The following TRERF1 variants were observed in gnomAD, a reference collection of about 807,000 sequenced individuals.
The protein encoded by TRERF1 is transcriptional-regulating factor 1.
TRERF1 carries 27 observed loss-of-function variants against 122.9 expected under a neutral mutation model. That is an observed-to-expected ratio of 0.22 (90% CI 0.16 to 0.30). TRERF1 has a LOEUF of 0.30. Among genes scored for constraint, TRERF1 ranks in the 10% least tolerant of loss-of-function variants. TRERF1 has a pLI of 1.00. For missense variants in TRERF1, 1,248 were observed against 1,560.3 expected (o/e 0.80, Z 3.37); for synonymous variants, 636 against 641.7 (o/e 0.99, Z 0.13).
chr6:42,395,196 C>T (rs977933401), intron 2 of TRERF1, among the ~76,000 whole-genome samples: 10 of 152,208 alleles, frequency 6.6e-5, no homozygotes, highest in African/African-American at 2.4e-4. Context: ...TTCCCCTCTA[C>T]AAAGTCAGGG....
chr6:42,284,595 A>G (rs1258021285), intron 4 of TRERF1, among the ~76,000 whole-genome samples: 3 of 152,204 alleles, frequency 2.0e-5, no homozygotes, highest in Non-Finnish European at 2.9e-5. Context: ...ACTAATTTAC[A>G]TAATTACAAT....
chr6:42,362,664 A>G (rs2296201), intron 3 of TRERF1, among the ~76,000 whole-genome samples: 5,704 of 152,252 alleles, frequency 0.037, 275 homozygotes, highest in East Asian at 0.24. Context: ...GTGGCCTTCT[A>G]CACCTCCACT....
At chr6:42,436,974 T>C (rs1337690124) in intron 2 of TRERF1, among the ~76,000 whole-genome samples, 6 of 151,828 alleles carry the variant, frequency 4.0e-5, no homozygotes. Flanking sequence ...GGCAGAACAT[T>C]CTGACCAGGA....
At chr6:42,274,486 C>T (rs1780803766) in intron 4 of TRERF1, among the ~76,000 whole-genome samples, 2 of 152,042 alleles carry the variant, frequency 1.3e-5, no homozygotes, top group Admixed American at 1.3e-4. Context: ...ACCAGTCTGG[C>T]CAACATGGCA....
chr6:42,282,495 C>A (rs1487985700), intron 4 of TRERF1, among the ~76,000 whole-genome samples: 2 of 152,160 alleles, frequency 1.3e-5, no homozygotes, highest in Non-Finnish European at 2.9e-5. Context: ...CTGCAGTGAG[C>A]CATGATGGCG....
At chr6:42,373,378 C>G (rs1019095943) in intron 2 of TRERF1, among the ~76,000 whole-genome samples, 3 of 151,926 alleles carry the variant, frequency 2.0e-5, no homozygotes, top group Non-Finnish European at 4.4e-5. Flanking sequence ...ACTAAAAATA[C>G]AAAATTAGGC....
intron 4 of TRERF1, among the ~76,000 whole-genome samples, chr6:42,277,905 G>A (rs1220360871): frequency 1.2e-5 from 1 of 85,080 alleles, no homozygotes; most frequent in African/African-American, 5.1e-5. Flanking sequence ...GAAGGAAGAA[G>A]GAAGAAGAAG....
At chr6:42,438,601 C>T (rs763594573) in intron 2 of TRERF1, among the ~76,000 whole-genome samples, 2 of 146,902 alleles carry the variant, frequency 1.4e-5, no homozygotes, top group Non-Finnish European at 3.0e-5. Flanking sequence ...CAGAGTGAGA[C>T]TCTGTCTCAA....
At chr6:42,281,845 T>C (rs1347501808) in intron 4 of TRERF1, among the ~76,000 whole-genome samples, 1 of 152,188 alleles carries the variant, frequency 6.6e-6, no homozygotes. Context: ...CTAGGCACAG[T>C]GCCAAGTCCC....
intron 2 of TRERF1, among the ~76,000 whole-genome samples, chr6:42,386,586 G>C (rs1359577695): frequency 1.3e-5 from 2 of 152,204 alleles, no homozygotes; most frequent in Non-Finnish European, 2.9e-5. Context: ...CACTGGATTA[G>C]AGAATTAATG....
chr6:42,434,707 CACA>C (rs1562205326), intron 2 of TRERF1, among the ~76,000 whole-genome samples: 4 of 151,570 alleles, frequency 2.6e-5, no homozygotes, highest in Admixed American at 1.3e-4. Flanking sequence ...CACACACACA[CACA>C]CCCCTAATAG....
At chr6:42,426,591 T>C (rs559075982) in intron 2 of TRERF1, among the ~76,000 whole-genome samples, 84 of 152,360 alleles carry the variant, frequency 5.5e-4, no homozygotes, top group African/African-American at 1.9e-3. Context: ...ATTTTGTTCG[T>C]AGCTGTCTCT....
At chr6:42,370,956 T>A (rs1463596547) in intron 2 of TRERF1, among the ~76,000 whole-genome samples, 1 of 152,142 alleles carries the variant, frequency 6.6e-6, no homozygotes, top group African/African-American at 2.4e-5. Flanking sequence ...TCCCCAAGGC[T>A]TTCTGAGTCT....
intron 2 of TRERF1, among the ~76,000 whole-genome samples, chr6:42,372,042 C>T (rs1773867276): frequency 6.6e-6 from 1 of 152,014 alleles, no homozygotes; most frequent in Non-Finnish European, 1.5e-5. Flanking sequence ...ATTAGCCGGG[C>T]ATGGTGGCAG....
chr6:42,379,343 C>T (rs2151123815), intron 2 of TRERF1, among the ~76,000 whole-genome samples: 1 of 152,176 alleles, frequency 6.6e-6, no homozygotes, highest in Non-Finnish European at 1.5e-5. Flanking sequence ...GGAGTCTCCA[C>T]CACCCCAGCC....
At chr6:42,405,934 T>C (rs1780124010) in intron 2 of TRERF1, among the ~76,000 whole-genome samples, 1 of 151,846 alleles carries the variant, frequency 6.6e-6, no homozygotes, top group African/African-American at 2.4e-5. Flanking sequence ...TGACCCACCA[T>C]GCAACAAAGC....
At chr6:42,299,113 T>C (rs573694655) in intron 4 of TRERF1, among the ~76,000 whole-genome samples, 1 of 135,554 alleles carries the variant, frequency 7.4e-6, no homozygotes, top group African/African-American at 2.9e-5. Context: ...TCTGTCTGTC[T>C]GTCTCTATCT....
chr6:42,230,074 A>C (rs1202211788), intron 17 of TRERF1, among the ~76,000 whole-genome samples: 3 of 152,152 alleles, frequency 2.0e-5, no homozygotes, highest in Non-Finnish European at 1.5e-5. Context: ...CTCTTTAGTC[A>C]CTTCTGAGCT....
intron 4 of TRERF1, among the ~76,000 whole-genome samples, chr6:42,284,331 G>A (rs1274080373): frequency 6.6e-6 from 1 of 150,988 alleles, no homozygotes; most frequent in Non-Finnish European, 1.5e-5. Context: ...CTCCCAAAGT[G>A]TTGGGATCAC....
Sources: allele counts gnomAD v4.1 joint callset (sites outside exome capture counted in the v4.1 genomes callset), GRCh38; gene constraint gnomAD v4.1.1; transcripts MANE v1.5; gene names NCBI Gene and HGNC (gene_info 2026-07-23, HGNC 2026-07-21).